OR6J1: variants seen among roughly 807,000 people sequenced by gnomAD.
OR6J1 encodes the protein olfactory receptor 6J1.
For synonymous variants in OR6J1, 109 were observed against 70.0 expected (o/e 1.56, Z -2.78); for missense variants, 304 against 166.8 (o/e 1.82, Z -4.53).
chr14:22,631,286 C>T lies in OR6J1; in HGVS notation c.*2482G>A, dbSNP rs2037543841. On this transcript the variant is annotated 3_prime_UTR_variant, in exon 2 of 2. Transcript: ENST00000540461. ...CCTCTTCCTAATAAGCCTGGGAGCG[C>T]TATGGGAGACTGGGGTCTATTTGAC... 6.6e-6 allele frequency: 1 copy of T among 152,176 alleles called. No homozygotes were observed. 9.4% of individuals were successfully genotyped at this position (152,176 alleles called of 1,614,324 possible).
At chr14:22,637,700 C>G (rs1468974887) in intron 1 of OR6J1, among the ~76,000 whole-genome samples, 1 of 79,426 alleles carries the variant, frequency 1.3e-5, no homozygotes, top group Non-Finnish European at 2.5e-5. Flanking sequence ...GTCAGCCCCC[C>G]GCCCGACCAG....
At chr14:22,640,830 T>C (rs1267555543) in intron 1 of OR6J1, among the ~76,000 whole-genome samples, 3 of 143,634 alleles carry the variant, frequency 2.1e-5, no homozygotes. Context: ...CTCTTCTTGA[T>C]ATTTTCAGTA....
Position 22,634,788 on chromosome 14 carries a change from C to G in OR6J1, c.24G>C (p.Val8=), listed in dbSNP as rs754985873. The change falls in exon 2 of 2, where the codon GTG becomes GTC. Residue 8 remains valine (V), a synonymous_variant. Transcript: ENST00000540461. MGNWTAA[V]TEFVLLGFSL... is the part of the protein sequence containing the mutation. Reference sequence around the variant, plus strand: ...AAAACCCCAGCAGAACAAACTCAGTCACCGCTGCAGTCCAGTTACCCATGG... The same window carrying G: ...AAAACCCCAGCAGAACAAACTCAGTGACCGCTGCAGTCCAGTTACCCATGG... 1.6e-5 allele frequency: 11 copies of G among 697,018 alleles called. No individual in the cohort carries two copies. The highest frequency in any genetic ancestry group is 2.6e-5 in the Non-Finnish European group (10 of 381,922). 43.2% of individuals were successfully genotyped at this position (697,018 alleles called of 1,614,324 possible). A position where few individuals can be genotyped will look rare whatever the true frequency, so the allele number is the denominator to read the frequency against.
At chr14:22,636,979 T>G (rs1354767646) in intron 1 of OR6J1, among the ~76,000 whole-genome samples, 9 of 124,068 alleles carry the variant, frequency 7.3e-5, no homozygotes, top group Admixed American at 1.5e-4. Flanking sequence ...GAGCGCCTCT[T>G]CCCGGCCGCC....
intron 1 of OR6J1, among the ~76,000 whole-genome samples, chr14:22,638,676 AAAAAAAATT>A (rs2037615785): frequency 2.3e-5 from 1 of 43,888 alleles, no homozygotes; most frequent in African/African-American, 4.9e-5. Context: ...AAAAAAAAAT[AAAAAAAATT>A]AAGACACTAG....
intron 1 of OR6J1, among the ~76,000 whole-genome samples, chr14:22,641,815 T>G (rs1187877435): frequency 6.6e-6 from 1 of 152,048 alleles, no homozygotes; most frequent in South Asian, 2.1e-4. Flanking sequence ...ACGGCAAAGT[T>G]TTTTCATGGA....
intron 1 of OR6J1, among the ~76,000 whole-genome samples, chr14:22,636,589 T>C (rs2037588417): frequency 8.2e-6 from 1 of 121,948 alleles, no homozygotes. Context: ...TTTCGTTTTT[T>C]TTTTTTGGTG....
chr14:22,643,764 C>CAGAGAGAGAGAGAGAG lies in OR6J1; in HGVS notation c.-28+318_-28+333dup, dbSNP rs1233027589. On this transcript the variant is annotated intron_variant, in intron 1 of 1. Transcript: ENST00000540461. The stretch of plus-strand genomic sequence containing the variant: ...ACACACACACACACACACACACACA[C>CAGAGAGAGAGAGAGAG]AGAGAGAGAGAGAGAGAGAGAGAGA... Among the ~76,000 whole-genome samples the CAGAGAGAGAGAGAGAG allele has an allele frequency of 1.8e-3, 68 of 37,696 alleles. 3 individuals carry two copies. Among genetic ancestry groups the CAGAGAGAGAGAGAGAG allele is most frequent in the Admixed American group, 6.5e-3 (11 of 1,692 alleles). The allele number at this position is 37,696 out of a possible 152,430, so 24.7% of individuals were successfully genotyped here.
chr14:22,635,674 A>T (rs1213956574), intron 1 of OR6J1, among the ~76,000 whole-genome samples: 1 of 152,212 alleles, frequency 6.6e-6, no homozygotes. Flanking sequence ...CAAGACACAG[A>T]CCCACACAGA....
chr14:22,636,237 T>C (rs566761910), intron 1 of OR6J1, among the ~76,000 whole-genome samples: 42 of 150 alleles, frequency 0.28, 2 homozygotes, highest in African/African-American at 0.25. Context: ...CCTCTCCCTC[T>C]CCCTCTCCCT....
At position 22,637,869 on chromosome 14, in the gene OR6J1, G is replaced by A. The variant is rs868555893; in HGVS notation, c.-27-3031C>T. ...CGTCCGGGAGGGAGGCGGGGGGGGT[G>A]GGGTCGGCCAGCCGCCCTGTCCGGG... On this transcript the variant is annotated intron_variant, in intron 1 of 1. Transcript: ENST00000540461. 1.6e-3 allele frequency among the ~76,000 whole-genome samples: 48 copies of A among 30,178 alleles called. 5 individuals carry two copies. The highest frequency in any genetic ancestry group is 0.012 in the African/African-American group (35 of 2,902). The allele number at this position is 30,178 out of a possible 152,430, so 19.8% of individuals were successfully genotyped here. A position where few individuals can be genotyped will look rare whatever the true frequency, so the allele number is the denominator to read the frequency against.
At position 22,637,161 on chromosome 14, in the gene OR6J1, A is replaced by C. The variant is rs1310080497; in HGVS notation, c.-27-2323T>G. 5.5e-5 allele frequency among the ~76,000 whole-genome samples: 6 copies of C among 109,878 alleles called. 1 individual carries two copies. Among genetic ancestry groups the C allele is most frequent in the Non-Finnish European group, 8.6e-5 (5 of 58,072 alleles). 72.1% of individuals were successfully genotyped at this position (109,878 alleles called of 152,430 possible). On this transcript the variant is annotated intron_variant, in intron 1 of 1. Transcript: ENST00000540461. ...CGGCCGCCCTGTCTGAGAAGTGAGG[A>C]AACCCTCTGCCTGGCAACCGCCCCG...
chr14:22,641,266 A>AAAGAAAGAAAGG (rs1290848247), intron 1 of OR6J1, among the ~76,000 whole-genome samples: 107 of 122,882 alleles, frequency 8.7e-4, no homozygotes, highest in African/African-American at 1.6e-3. Context: ...AGAAAGAAAG[A>AAAGAAAGAAAGG]AAGGAAGGAA....
Position 22,634,538 on chromosome 14 carries a change from A to T in OR6J1, c.274T>A (p.Ser92Thr), listed in dbSNP as rs530212674. The change falls in exon 2 of 2, where the codon TCC becomes ACC. Residue 92 changes from serine to threonine, a missense_variant. By Grantham distance (58) the Ser-to-Thr change is moderately conservative. Transcript: ENST00000540461. Reference protein sequence around the residue: ...ANLGSRDKTISFAGCITQCYF... With the variant: ...ANLGSRDKTITFAGCITQCYF... ...CACTGGGTGATACATCCGGCAAAGG[A>T]GATGGTTTTATCCCTAGATCCTAAG... The T allele has an allele frequency of 1.4e-6, 1 of 704,636 alleles. No homozygotes were observed. Among genetic ancestry groups the T allele is most frequent in the East Asian group, 2.7e-5 (1 of 37,322 alleles). 43.6% of individuals were successfully genotyped at this position (704,636 alleles called of 1,614,324 possible). A position where few individuals can be genotyped will look rare whatever the true frequency, so the allele number is the denominator to read the frequency against.
intron 1 of OR6J1, among the ~76,000 whole-genome samples, chr14:22,642,829 G>A (rs188408804): frequency 0.013 from 1,901 of 151,832 alleles, 18 homozygotes; most frequent in Non-Finnish European, 0.022. Flanking sequence ...TAGAGACAGG[G>A]TCCTGCTCTG....
intron 1 of OR6J1, among the ~76,000 whole-genome samples, chr14:22,641,814 T>C: frequency 6.6e-6 from 1 of 151,972 alleles, no homozygotes; most frequent in Non-Finnish European, 1.5e-5. Flanking sequence ...GACGGCAAAG[T>C]TTTTTCATGG....
rs1382349388 is a variant in OR6J1, at chr14:22,631,939, G to C, written c.*1829C>G. 1 of 152,342 alleles carries C rather than the reference G, an allele frequency of 6.6e-6. No individual in the cohort carries two copies. The highest frequency in any genetic ancestry group is 2.4e-5 in the African/African-American group (1 of 41,454). 9.4% of individuals were successfully genotyped at this position (152,342 alleles called of 1,614,324 possible). On this transcript the variant is annotated 3_prime_UTR_variant, in exon 2 of 2. Transcript: ENST00000540461. Reference sequence around the variant, plus strand: ...GCCTTTGACTCTCTGCCAAATGCAAGTGATGGTGGCTGACTCCCCTGATAT... The same window carrying C: ...GCCTTTGACTCTCTGCCAAATGCAACTGATGGTGGCTGACTCCCCTGATAT...
chr14:22,638,202 G>T (rs1329446547), intron 1 of OR6J1, among the ~76,000 whole-genome samples: 2 of 75,594 alleles, frequency 2.6e-5, no homozygotes, highest in Non-Finnish European at 4.9e-5. Context: ...CGGTTTTGTG[G>T]AATAGAAAGG....
In OR6J1 at chr14:22,634,185, G is replaced by A. The variant is rs972552507; in HGVS notation, c.627C>T (p.Cys209=). The change falls in exon 2 of 2, where the codon TGC becomes TGT. Residue 209 remains cysteine, a synonymous_variant. Coordinates refer to ENST00000540461, the MANE Select transcript of OR6J1 (RefSeq NM_001348233.2). ...FMLSSMVILC[C]IVLVAYSYTY... is the part of the protein sequence containing the mutation. ...TATAGGAATAGGCCACGAGGACTAT[G>A]CAGCAGAGGATGACCATGGAAGAAA... 1 of 703,392 alleles carries A rather than the reference G, an allele frequency of 1.4e-6. No individual in the cohort carries two copies. The highest frequency in any genetic ancestry group is 1.7e-5 in the African/African-American group (1 of 57,268). The allele number at this position is 703,392 out of a possible 1,614,324, so 43.6% of individuals were successfully genotyped here.
Sources: gnomAD v4.1 joint callset for allele counts (sites outside exome capture counted in the v4.1 genomes callset) on GRCh38, gnomAD v4.1.1 for gene constraint, MANE v1.5 for transcripts, NCBI Gene and HGNC (gene_info 2026-07-23, HGNC 2026-07-21) for gene names.